Variants in FFAR2 observed in about 807,000 individuals in gnomAD.
FFAR2 encodes G-protein coupled receptor 43.
For synonymous variants in FFAR2, 193 were observed against 189.9 expected (o/e 1.02, Z -0.13); for missense variants, 421 against 428.9 (o/e 0.98, Z 0.16).
At position 35,450,281 on chromosome 19, in the gene FFAR2, C is replaced by T. The variant is rs758901073; in HGVS notation, c.567C>T (p.Phe189=). Residue 189 remains phenylalanine, a synonymous_variant, in exon 2 of 2, where the codon TTC becomes TTT. Coordinates refer to ENST00000599180, the MANE Select transcript of FFAR2 (RefSeq NM_001370087.1). ...TGGAGCTGTGCCTGGTGCTCTTCTT[C>T]ATCCCCATGGCAGTCACCATCTTCT... ...VRLELCLVLF[F]IPMAVTIFCY... is the part of the protein sequence containing the mutation. 6.2e-7 allele frequency: 1 copy of T among 1,614,212 alleles called. No homozygotes were observed. Among genetic ancestry groups the T allele is most frequent in the South Asian group, 1.1e-5 (1 of 91,088 alleles).
intron 1 of FFAR2, among the ~76,000 whole-genome samples, chr19:35,449,165 G>C (rs34607697): frequency 0.091 from 13,861 of 152,174 alleles, 830 homozygotes; most frequent in Non-Finnish European, 0.13. Context: ...GACAAGGTGG[G>C]GGAGAATCTG....
intron 1 of FFAR2, among the ~76,000 whole-genome samples, chr19:35,449,201 G>A (rs1044640228): frequency 1.3e-5 from 2 of 152,204 alleles, no homozygotes; most frequent in Non-Finnish European, 2.9e-5. Context: ...ACGAACGGAA[G>A]TAGGAAGCTG....
Position 35,449,931 on chromosome 19 carries a change from T to G in FFAR2, c.217T>G (p.Phe73Val). ...PFKIIEAASN[F>V]RWYLPKVVCA... ...CAAGATCATCGAGGCTGCGTCGAAC[T>G]TCCGCTGGTACCTGCCCAAGGTCGT... is the stretch of plus-strand genomic sequence containing the variant. The change falls in exon 2 of 2, where the codon TTC becomes GTC. Residue 73 changes from phenylalanine to valine, a missense_variant. By Grantham distance (50) the Phe-to-Val change is conservative. Coordinates refer to ENST00000599180, the MANE Select transcript of FFAR2 (RefSeq NM_001370087.1). The G allele has an allele frequency of 6.2e-7, 1 of 1,613,652 alleles. No individual in the cohort carries two copies. Among genetic ancestry groups the G allele is most frequent in the Non-Finnish European group, 8.5e-7 (1 of 1,180,022 alleles).
At position 35,450,770 on chromosome 19, in the gene FFAR2, C is replaced by A; in HGVS notation, c.*63C>A. On this transcript the variant is annotated 3_prime_UTR_variant, in exon 2 of 2. Transcript: ENST00000599180. Reference sequence around the variant, plus strand: ...CAGGAGCTGGGAAGCCTGGGAGAGGCGGAGCAGGAAGGCTCCCATCCAGAT... The same window carrying A: ...CAGGAGCTGGGAAGCCTGGGAGAGGAGGAGCAGGAAGGCTCCCATCCAGAT... The A allele has an allele frequency of 2.0e-6, 3 of 1,518,610 alleles. No homozygotes were observed. Among genetic ancestry groups the A allele is most frequent in the South Asian group, 1.3e-5 (1 of 79,816 alleles). The allele number at this position is 1,518,610 out of a possible 1,614,324, so 94.1% of individuals were successfully genotyped here. A position where few individuals can be genotyped will look rare whatever the true frequency, so the allele number is the denominator to read the frequency against.
At position 35,450,954 on chromosome 19, in the gene FFAR2, G is replaced by C. The variant is rs2067378370; in HGVS notation, c.*247G>C. On this transcript the variant is annotated 3_prime_UTR_variant, in exon 2 of 2. Transcript: ENST00000599180. ...ATAGAAGCACCTGCCGGGTGTGGTG[G>C]CTCATGCCTATAATCCCAGAACTTT... 6.8e-6 allele frequency: 3 copies of C among 442,406 alleles called. No individual in the cohort carries two copies. The highest frequency in any genetic ancestry group is 3.9e-5 in the Admixed American group (1 of 25,650). 27.4% of individuals were successfully genotyped at this position (442,406 alleles called of 1,614,324 possible).
Position 35,450,406 on chromosome 19 carries a change from T to A in FFAR2, c.692T>A (p.Phe231Tyr). Residue 231 changes from phenylalanine (F) to tyrosine (Y), a missense_variant, in exon 2 of 2, where the codon TTC becomes TAC. By Grantham distance (22) the Phe-to-Tyr change is conservative (BLOSUM62 3). Transcript: ENST00000599180. ...CTGGCTGTGGTGACGCTGCTCAATT[T>A]CCTGGTGTGCTTCGGACCTTACAAC... ...VGLAVVTLLN[F>Y]LVCFGPYNVS... 1 of 1,614,256 alleles carries A rather than the reference T, an allele frequency of 6.2e-7. No individual in the cohort carries two copies. The highest frequency in any genetic ancestry group is 8.5e-7 in the Non-Finnish European group (1 of 1,180,042).
At chr19:35,449,673 G>A in intron 1 of FFAR2, 41 bp from the exon 2 acceptor site, 3 of 1,522,756 alleles carry the variant, frequency 2.0e-6, no homozygotes, top group Non-Finnish European at 2.6e-6. Context: ...CGGGCTGTGA[G>A]TGAGACCTCC....
rs2067377676 is a variant in FFAR2, at chr19:35,450,832, T to A, written c.*125T>A. 1 of 1,001,128 alleles carries A rather than the reference T, an allele frequency of 1.0e-6. No homozygotes were observed. The highest frequency in any genetic ancestry group is 1.4e-6 in the Non-Finnish European group (1 of 695,758). 62.0% of individuals were successfully genotyped at this position (1,001,128 alleles called of 1,614,324 possible). Reference sequence around the variant, plus strand: ...TAGACCCAGCCCAGGACTGCGACTTTGAAAAAAATGCCTTTCACCAGCTTG... The same window carrying A: ...TAGACCCAGCCCAGGACTGCGACTTAGAAAAAAATGCCTTTCACCAGCTTG... On this transcript the variant is annotated 3_prime_UTR_variant, in exon 2 of 2. Transcript: ENST00000599180.
rs1428439942 is a variant in FFAR2, at chr19:35,450,661, T to G, written c.947T>G (p.Val316Gly). The change falls in exon 2 of 2, where the codon GTG becomes GGG. Residue 316 changes from valine to glycine, a missense_variant. By Grantham distance (109) the Val-to-Gly change is moderately radical. Coordinates refer to ENST00000599180, the MANE Select transcript of FFAR2 (RefSeq NM_001370087.1). ...GAGGGGACAAATGAGGACAGGGGTG[T>G]GGGTCAAGGAGAAGGGATGCCAAGT... The part of the protein sequence containing the change: ...TAEGTNEDRG[V>G]GQGEGMPSSD... The G allele has an allele frequency of 6.2e-7, 1 of 1,614,060 alleles. No individual in the cohort carries two copies. The highest frequency in any genetic ancestry group is 2.2e-5 in the East Asian group (1 of 44,870).
chr19:35,450,651 G>T lies in FFAR2; in HGVS notation c.937G>T (p.Asp313Tyr), dbSNP rs1392305913. 2 of 1,614,086 alleles carry T rather than the reference G, an allele frequency of 1.2e-6. No homozygotes were observed. The highest frequency in any genetic ancestry group is 1.7e-6 in the Non-Finnish European group (2 of 1,180,040). ...AGACACAGCAGAGGGGACAAATGAG[G>T]ACAGGGGTGTGGGTCAAGGAGAAGG... ...GKDTAEGTNEDRGVGQGEGMP... is the reference protein window; with the variant it reads ...GKDTAEGTNEYRGVGQGEGMP... Residue 313 changes from aspartate (D) to tyrosine (Y), a missense_variant, in exon 2 of 2, where the codon GAC becomes TAC. Asp to Tyr is a radical substitution (Grantham distance 160, BLOSUM62 -3). Transcript: ENST00000599180.
Position 35,449,901 on chromosome 19 carries a change from C to A in FFAR2, c.187C>A (p.Pro63Thr), listed in dbSNP as rs776992313. The change falls in exon 2 of 2, where the codon CCC becomes ACC. Residue 63 changes from proline to threonine, a missense_variant. Coordinates refer to ENST00000599180, the MANE Select transcript of FFAR2 (RefSeq NM_001370087.1). Reference protein sequence around the residue: ...LADLLLLLLLPFKIIEAASNF... With the variant: ...LADLLLLLLLTFKIIEAASNF... ...CGACCTCCTCCTGCTGCTGCTGCTG[C>A]CCTTCAAGATCATCGAGGCTGCGTC... 6.2e-7 allele frequency: 1 copy of A among 1,612,928 alleles called. No individual in the cohort carries two copies. Among genetic ancestry groups the A allele is most frequent in the Admixed American group, 1.7e-5 (1 of 59,986 alleles).
intron 1 of FFAR2, among the ~76,000 whole-genome samples, chr19:35,449,089 C>A (rs1048337923): frequency 4.6e-5 from 7 of 152,046 alleles, no homozygotes; most frequent in Non-Finnish European, 8.8e-5. Flanking sequence ...CAGAAGTGAG[C>A]CACTGCGCCC....
At position 35,450,528 on chromosome 19, in the gene FFAR2, C is replaced by T; in HGVS notation, c.814C>T (p.Leu272Phe). Residue 272 changes from leucine (L) to phenylalanine (F), a missense_variant, in exon 2 of 2, where the codon CTC (leucine) becomes TTC (phenylalanine). Coordinates refer to ENST00000599180, the MANE Select transcript of FFAR2 (RefSeq NM_001370087.1). ...ACTCAACGCCAGTCTGGACCCCCTG[C>T]TCTTCTATTTCTCTTCTTCAGTGGT... Reference protein sequence around the residue: ...SSLNASLDPLLFYFSSSVVRR... With the variant: ...SSLNASLDPLFFYFSSSVVRR... The T allele has an allele frequency of 6.2e-7, 1 of 1,614,240 alleles. No individual in the cohort carries two copies. The highest frequency in any genetic ancestry group is 8.5e-7 in the Non-Finnish European group (1 of 1,180,054).
At chr19:35,449,310 C>T (rs1161195186) in intron 1 of FFAR2, among the ~76,000 whole-genome samples, 1 of 152,236 alleles carries the variant, frequency 6.6e-6, no homozygotes, top group Non-Finnish European at 1.5e-5. Flanking sequence ...TCTTACAGCT[C>T]TCTCCCGGCA....
chr19:35,450,163 T>C lies in FFAR2; in HGVS notation c.449T>C (p.Leu150Ser). The change falls in exon 2 of 2, where the codon TTG (leucine) becomes TCG (serine). Residue 150 changes from leucine to serine, a missense_variant. Physicochemically the swap from Leu to Ser is moderately radical, Grantham distance 145 (BLOSUM62 -2). Transcript: ENST00000599180. ...HCTIVIIVQY[L>S]NTTEQVRSGN... ...ACCATCGTGATCATCGTTCAATACT[T>C]GAACACGACTGAGCAGGTCAGAAGT... The C allele has an allele frequency of 3.7e-6, 6 of 1,614,206 alleles. No individual in the cohort carries two copies. Among genetic ancestry groups the C allele is most frequent in the Non-Finnish European group, 5.1e-6 (6 of 1,180,038 alleles).
rs1233413450 is a variant in FFAR2 at position 35,450,744 on chromosome 19, A to G, written c.*37A>G. Reference sequence around the variant, plus strand: ...GACCTTCAGAGGTCGCCTGGGTTACACAGGAGCTGGGAAGCCTGGGAGAGG... The same window carrying G: ...GACCTTCAGAGGTCGCCTGGGTTACGCAGGAGCTGGGAAGCCTGGGAGAGG... On this transcript the variant is annotated 3_prime_UTR_variant, in exon 2 of 2. Transcript: ENST00000599180. The G allele has an allele frequency of 1.3e-6, 2 of 1,582,092 alleles. No individual in the cohort carries two copies. Among genetic ancestry groups the G allele is most frequent in the African/African-American group, 1.3e-5 (1 of 74,254 alleles).
rs1396014985 is a variant in FFAR2, at chr19:35,450,554, G to A, written c.840G>A (p.Val280=). The change falls in exon 2 of 2, where the codon GTG becomes GTA. Residue 280 remains valine (V), a synonymous_variant. Transcript: ENST00000599180. ...PLLFYFSSSV[V]RRAFGRGLQV... is the part of the protein sequence containing the mutation. ...TCTTCTATTTCTCTTCTTCAGTGGT[G>A]CGCAGGGCATTTGGGAGAGGGCTGC... 4 of 1,614,252 alleles carry A rather than the reference G, an allele frequency of 2.5e-6. No individual in the cohort carries two copies. In the Admixed American group the frequency reaches 5.0e-5, roughly 20 times the overall value.
In FFAR2 at chr19:35,449,999, C is replaced by T. The variant is rs34905229; in HGVS notation, c.285C>T (p.Cys95=). The change falls in exon 2 of 2, where the codon TGC becomes TGT. Residue 95 remains cysteine (C), a synonymous_variant. Transcript: ENST00000599180. ...TSFGFYSSIY[C]STWLLAGISI... Reference sequence around the variant, plus strand: ...TTGGCTTCTACAGCAGCATCTACTGCAGCACGTGGCTCCTGGCGGGCATCA... The same window carrying T: ...TTGGCTTCTACAGCAGCATCTACTGTAGCACGTGGCTCCTGGCGGGCATCA... 3.7e-5 allele frequency: 60 copies of T among 1,614,176 alleles called. No individual in the cohort carries two copies. In the African/African-American group the frequency reaches 6.7e-4, roughly 18 times the overall value.
rs1376583472 is a variant in FFAR2 at position 35,450,449 on chromosome 19, G to A, written c.735G>A (p.Gly245=). 3 of 1,614,138 alleles carry A rather than the reference G, an allele frequency of 1.9e-6. No homozygotes were observed. Among genetic ancestry groups the A allele is most frequent in the African/African-American group, 2.7e-5 (2 of 74,944 alleles). ...FGPYNVSHLV[G]YHQRKSPWWR... is the part of the protein sequence containing the mutation. ...CTTACAACGTGTCCCACCTGGTGGG[G>A]TATCACCAGAGAAAAAGCCCCTGGT... Residue 245 remains glycine, a synonymous_variant, in exon 2 of 2, where the codon GGG becomes GGA. Transcript: ENST00000599180.
Sources: gnomAD v4.1 joint callset for allele counts (sites outside exome capture counted in the v4.1 genomes callset) on GRCh38, gnomAD v4.1.1 for gene constraint, MANE v1.5 for transcripts, NCBI Gene and HGNC (gene_info 2026-07-23, HGNC 2026-07-21) for gene names.